ZFAND2A: variants seen among roughly 807,000 people sequenced by gnomAD.
ZFAND2A encodes zinc finger AN1-type containing 2A, also known as AN1-type zinc finger protein 2A.
ZFAND2A carries 20 observed loss-of-function variants against 11.6 expected under a neutral mutation model. The observed-to-expected ratio is 1.72, with a 90% CI of 1.21 to 2.50. The LOEUF is 2.50. ZFAND2A is among the 30% of genes most tolerant of loss of function. ZFAND2A has a pLI of 0.00. For synonymous variants in ZFAND2A, 93 were observed against 60.6 expected, an observed-to-expected ratio of 1.54 and a Z score of -2.48; for missense variants, 234 against 182.9, an observed-to-expected ratio of 1.28 and a Z score of -1.61.
downstream of ZFAND2A, chr7:1,152,258 T>C (rs1439129609): frequency 4.4e-6 from 7 of 1,575,414 alleles, no homozygotes; most frequent in South Asian, 1.2e-5. Context: ...GGTGAACCAG[T>C]ACCCGAGTCG....
intron 3 of ZFAND2A, among the ~76,000 whole-genome samples, chr7:1,155,902 G>A (rs184416868): frequency 6.6e-6 from 1 of 152,374 alleles, no homozygotes; most frequent in East Asian, 1.9e-4. Flanking sequence ...TCCACAGGGA[G>A]GAGATGGAGG....
At position 1,157,646 on chromosome 7, in the gene ZFAND2A, G is replaced by A. The variant is rs371701675; in HGVS notation, c.150+10C>T. 4 of 1,575,336 alleles carry A rather than the reference G, an allele frequency of 2.5e-6. No homozygotes were observed. In the East Asian group the frequency reaches 7.0e-5, roughly 28 times the overall value. On this transcript the variant is annotated intron_variant, in intron 3 of 4. Coordinates refer to ENST00000316495, the MANE Select transcript of ZFAND2A (RefSeq NM_182491.4). ...GAAGATGAGAATCTTTTGAACAAAG[G>A]ATCAATTACCTTCTGGAATGCAAAC... is the stretch of plus-strand genomic sequence containing the variant.
At chr7:1,155,957 C>A (rs921220885) in intron 3 of ZFAND2A, among the ~76,000 whole-genome samples, 1 of 152,230 alleles carries the variant, frequency 6.6e-6, no homozygotes, top group Non-Finnish European at 1.5e-5. Context: ...CAGTCGCCAA[C>A]GGCCTGATCC....
chr7:1,157,624 G>A (rs1381663833), intron 3 of ZFAND2A, 32 bp downstream of exon 3: 3 of 1,565,318 alleles, frequency 1.9e-6, no homozygotes, highest in South Asian at 1.2e-5. Context: ...AGACGGTGAA[G>A]ATGAGAATCT....
downstream of ZFAND2A, among the ~76,000 whole-genome samples, chr7:1,150,902 T>TTTC (rs1554344407): frequency 0.013 from 1,856 of 142,126 alleles, 61 homozygotes; most frequent in East Asian, 0.16. Context: ...TTTTTTTTTT[T>TTTC]TTTGAGATTC....
At chr7:1,155,618 C>A (rs1011286030) in intron 3 of ZFAND2A, 34 bp from the exon 4 acceptor site, 14 of 1,605,484 alleles carry the variant, frequency 8.7e-6, no homozygotes, top group Non-Finnish European at 1.2e-5. Context: ...GCATCTGAGA[C>A]TCATGCAACT....
downstream of ZFAND2A, among the ~76,000 whole-genome samples, chr7:1,151,762 T>TAAAAAAAAAAAAAAAAAAAAAAA (rs530920394): frequency 3.1e-4 from 27 of 87,154 alleles, 2 homozygotes; most frequent in African/African-American, 1.0e-3. Flanking sequence ...TCATCCCTTT[T>TAAAAAAAAAAAAAAAAAAAAAAA]AAAAAAAAAA....
chr7:1,155,767 G>T, intron 3 of ZFAND2A, 183 bp from the exon 4 acceptor site: 1 of 663,118 alleles, frequency 1.5e-6, no homozygotes. Flanking sequence ...TCTAGAATGT[G>T]GGCATCAGCT....
downstream of ZFAND2A, among the ~76,000 whole-genome samples, chr7:1,149,096 C>T (rs1284685283): frequency 1.3e-5 from 2 of 152,152 alleles, no homozygotes; most frequent in Non-Finnish European, 2.9e-5. Flanking sequence ...CTGGGCCCGG[C>T]TGGATACATC....
In ZFAND2A at chr7:1,158,077, C is replaced by A. The variant is rs1222640541; in HGVS notation, c.55+81G>T. 5 of 1,394,040 alleles carry A rather than the reference C, an allele frequency of 3.6e-6. No individual in the cohort carries two copies. In the African/African-American group the frequency reaches 7.1e-5, roughly 20 times the overall value. 86.4% of individuals were successfully genotyped at this position (1,394,040 alleles called of 1,614,324 possible). ...CTGAGGAGCCAGGAAGGCCAAGACA[C>A]AATTATCAGCTAATTAACAGAACAG... On this transcript the variant is annotated intron_variant, in intron 2 of 4. Coordinates refer to ENST00000316495, the MANE Select transcript of ZFAND2A (RefSeq NM_182491.4).
At chr7:1,155,420 A>G in intron 4 of ZFAND2A, 33 bp downstream of exon 4, 1 of 1,600,082 alleles carries the variant, frequency 6.2e-7, no homozygotes, top group Non-Finnish European at 8.5e-7. Context: ...CAGGCTTCCC[A>G]GATGAAGGAA....
chr7:1,159,236 G>A (rs6463493), intron 1 of ZFAND2A, among the ~76,000 whole-genome samples: 1 of 152,016 alleles, frequency 6.6e-6, no homozygotes, highest in African/African-American at 2.4e-5. Context: ...AAATTGTTTT[G>A]TTCAAGGAAT....
In ZFAND2A at chr7:1,155,454, TTC is replaced by T. The variant is rs1195163999; in HGVS notation, c.279_280del (p.Lys94AspfsTer65). 12 of 1,613,214 alleles carry T rather than the reference TTC, an allele frequency of 7.4e-6. No individual in the cohort carries two copies. The highest frequency in any genetic ancestry group is 7.6e-6 in the Non-Finnish European group (9 of 1,179,596). On this transcript the variant is annotated frameshift_variant and splice_region_variant, in exon 4 of 5. Transcript: ENST00000316495. LOFTEE classifies it low-confidence loss of function (END_TRUNC). ...AACTGAGGCGGGCTCTGTCCTTACC[TTC>T]TCTTTCTTCTTCCCAGGGTGAGAGT...
chr7:1,156,031 G>A lies in ZFAND2A; in HGVS notation c.151-447C>T, dbSNP rs1256676495. ...GTTGCTTGCGCCCAGATGAGGCCAC[G>A]TGTACCTAGGGTGAGCTCCCAGGTA... On this transcript the variant is annotated intron_variant, in intron 3 of 4. Coordinates refer to ENST00000316495, the MANE Select transcript of ZFAND2A (RefSeq NM_182491.4). Among the ~76,000 whole-genome samples the A allele has an allele frequency of 5.9e-5, 9 of 152,376 alleles. No individual in the cohort carries two copies. The East Asian group carries it at 9.6e-4, about 16-fold the overall frequency.
At chr7:1,150,587 C>T (rs1350667436), downstream of ZFAND2A, among the ~76,000 whole-genome samples, 3 of 152,144 alleles carry the variant, frequency 2.0e-5, no homozygotes, top group Non-Finnish European at 2.9e-5. Context: ...AAGTGTCAGG[C>T]CACGAAGGCC....
chr7:1,150,858 TCGGGC>T (rs1793384582), downstream of ZFAND2A, among the ~76,000 whole-genome samples: 28 of 151,534 alleles, frequency 1.8e-4, no homozygotes, highest in African/African-American at 6.3e-4. Flanking sequence ...AAAGCAGCTC[TCGGGC>T]TTGCTGGCTG....
chr7:1,157,217 C>T (rs887443428), intron 3 of ZFAND2A: 1 of 153,206 alleles, frequency 6.5e-6, no homozygotes, highest in Non-Finnish European at 1.5e-5. Flanking sequence ...TATGTCAAGG[C>T]TGCAGTTATT....
At chr7:1,159,889 G>C (rs1302878601) in intron 1 of ZFAND2A, 75 bp downstream of exon 1, 1 of 177,940 alleles carries the variant, frequency 5.6e-6, no homozygotes, top group African/African-American at 2.4e-5. Flanking sequence ...CAGACAGGCC[G>C]AACCCCCGAG....
At chr7:1,150,421 A>C (rs1793377588), downstream of ZFAND2A, among the ~76,000 whole-genome samples, 1 of 152,198 alleles carries the variant, frequency 6.6e-6, no homozygotes, top group Admixed American at 6.5e-5. Flanking sequence ...ACAGGACAGA[A>C]CTTGGGGGAA....
Sources: allele counts gnomAD v4.1 joint callset (sites outside exome capture counted in the v4.1 genomes callset), GRCh38; gene constraint gnomAD v4.1.1; transcripts MANE v1.5; gene names NCBI Gene and HGNC (gene_info 2026-07-23, HGNC 2026-07-21).